Variants in TEX9 observed in about 807,000 individuals in gnomAD.
TEX9 encodes the protein testis expressed 9.
A neutral mutation model predicts 59.6 loss-of-function variants in TEX9; 74 were observed. The ratio of observed to expected loss-of-function variants is 1.24; its 90% CI spans 1.03 to 1.51. The LOEUF is 1.51. Ranked by LOEUF, TEX9 falls within the 40% of genes most tolerant of loss-of-function variation. The pLI is 0.00. For missense variants in TEX9, 522 were observed against 447.8 expected, an observed-to-expected ratio of 1.17 and a Z score of -1.49; for synonymous variants, 186 against 152.2, an observed-to-expected ratio of 1.22 and a Z score of -1.64.
intron 1 of TEX9, among the ~76,000 whole-genome samples, chr15:56,292,701 A>C (rs117853450): frequency 6.6e-6 from 1 of 152,192 alleles, no homozygotes; most frequent in Non-Finnish European, 1.5e-5. Context: ...GCCTTGGGCC[A>C]CTAGGAGCTG....
intron 1 of TEX9, among the ~76,000 whole-genome samples, chr15:56,265,378 G>A (rs1170106786): frequency 6.6e-6 from 1 of 151,382 alleles, no homozygotes; most frequent in Non-Finnish European, 1.5e-5. Flanking sequence ...TCCTCCTCTT[G>A]CCCAGGCTGG....
chr15:56,355,183 C>G (rs2046661522), intron 1 of TEX9, among the ~76,000 whole-genome samples: 1 of 152,042 alleles, frequency 6.6e-6, no homozygotes, highest in Non-Finnish European at 1.5e-5. Context: ...TTTTCCATAA[C>G]TTAATATTAG....
At chr15:56,321,755 C>T (rs925005293) in intron 1 of TEX9, among the ~76,000 whole-genome samples, 23 of 152,128 alleles carry the variant, frequency 1.5e-4, no homozygotes, top group African/African-American at 5.6e-4. Context: ...AATACTCTTT[C>T]AGTCATGCTT....
chr15:56,443,411 T>C (rs1246967510), intron 12 of TEX9: 3 of 1,511,418 alleles, frequency 2.0e-6, no homozygotes, highest in South Asian at 2.5e-5. Context: ...TAATCATTCT[T>C]TCCATTTCTG....
intron 1 of TEX9, among the ~76,000 whole-genome samples, chr15:56,281,495 C>G (rs2044819262): frequency 1.3e-5 from 2 of 152,220 alleles, no homozygotes; most frequent in South Asian, 4.1e-4. Context: ...CCTTATGAAT[C>G]TAATTTTTGA....
intron 1 of TEX9, among the ~76,000 whole-genome samples, chr15:56,295,072 A>G (rs551351815): frequency 1.3e-5 from 2 of 152,244 alleles, no homozygotes; most frequent in East Asian, 1.9e-4. Flanking sequence ...GTAATAAACT[A>G]TATATTTTTA....
intron 3 of TEX9, among the ~76,000 whole-genome samples, chr15:56,376,615 A>AT (rs1296735375): frequency 3.3e-5 from 5 of 151,522 alleles, no homozygotes; most frequent in African/African-American, 7.3e-5. Context: ...AGATTATTAG[A>AT]TTTTTTTTCC....
intron 1 of TEX9, among the ~76,000 whole-genome samples, chr15:56,322,111 G>A (rs981985360): frequency 1.3e-5 from 2 of 151,936 alleles, no homozygotes; most frequent in Admixed American, 1.3e-4. Flanking sequence ...GTCCACCTCC[G>A]AGGAAGAGTG....
At chr15:56,312,417 C>T (rs1282422971) in intron 1 of TEX9, among the ~76,000 whole-genome samples, 28 of 144,216 alleles carry the variant, frequency 1.9e-4, no homozygotes, top group Non-Finnish European at 4.1e-4. Context: ...TTCCCCATTG[C>T]TTGTTTTTCT....
chr15:56,433,906 G>T (rs1364304613), intron 12 of TEX9, among the ~76,000 whole-genome samples: 1 of 151,804 alleles, frequency 6.6e-6, no homozygotes, highest in Non-Finnish European at 1.5e-5. Flanking sequence ...AAGTGACATG[G>T]ACTTAGTTTT....
At chr15:56,370,027 A>T (rs2047121644) in intron 2 of TEX9, among the ~76,000 whole-genome samples, 2 of 152,258 alleles carry the variant, frequency 1.3e-5, no homozygotes, top group Admixed American at 1.3e-4. Flanking sequence ...TATCAGTAAG[A>T]GCATTCTTTT....
Position 56,405,310 on chromosome 15 carries a change from GAAAAAAA to G in TEX9, c.829-6980_829-6974del, listed in dbSNP as rs1221876149. Among the ~76,000 whole-genome samples the G allele has an allele frequency of 1.1e-3, 105 of 95,980 alleles. 1 individual carries two copies. The highest frequency in any genetic ancestry group is 4.0e-3 in the African/African-American group (99 of 24,458). The allele number at this position is 95,980 out of a possible 152,430, so 63.0% of individuals were successfully genotyped here. On this transcript the variant is annotated intron_variant, in intron 9 of 12. Coordinates refer to ENST00000352903, the Ensembl canonical transcript of TEX9. ...TGACAGAGCAAGACTCCGTCTCAAA[GAAAAAAA>G]AAAAAAAAAAAGGAAACTGAGTTTG...
chr15:56,372,394 C>A (rs1400067596), intron 2 of TEX9, among the ~76,000 whole-genome samples: 1 of 151,724 alleles, frequency 6.6e-6, no homozygotes, highest in East Asian at 1.9e-4. Context: ...AACAAGATAT[C>A]TAATTTTTAA....
chr15:56,460,002 AAAAAAAAATACATATAT>A, the TEX9 span, among the ~76,000 whole-genome samples: 1 of 57,264 alleles, frequency 1.7e-5, no homozygotes, highest in African/African-American at 6.1e-5. Context: ...AAAAAAAAAA[AAAAAAAAATACATATAT>A]ATATATATAT....
At chr15:56,433,088 C>G (rs74015426) in intron 12 of TEX9, among the ~76,000 whole-genome samples, 1 of 152,148 alleles carries the variant, frequency 6.6e-6, no homozygotes, top group Non-Finnish European at 1.5e-5. Context: ...TAATCTTCCC[C>G]TGGGCCACCA....
At chr15:56,333,833 C>T (rs2046207204) in intron 1 of TEX9, among the ~76,000 whole-genome samples, 1 of 152,080 alleles carries the variant, frequency 6.6e-6, no homozygotes, top group South Asian at 2.1e-4. Flanking sequence ...TTGCAGGATA[C>T]AAAATCATAC....
At chr15:56,330,989 C>A (rs1219163291) in intron 1 of TEX9, among the ~76,000 whole-genome samples, 1 of 151,928 alleles carries the variant, frequency 6.6e-6, no homozygotes, top group African/African-American at 2.4e-5. Context: ...CAATAGAAAC[C>A]AAAAAGAGCA....
intron 1 of TEX9, among the ~76,000 whole-genome samples, chr15:56,272,809 T>C (rs2044569082): frequency 6.6e-6 from 1 of 152,218 alleles, no homozygotes; most frequent in Non-Finnish European, 1.5e-5. Context: ...ATTATTGATA[T>C]TGTCAGATTT....
chr15:56,390,045 A>C (rs537493358), intron 6 of TEX9, among the ~76,000 whole-genome samples: 79 of 151,754 alleles, frequency 5.2e-4, no homozygotes, highest in African/African-American at 1.9e-3. Flanking sequence ...TTCTGGAAAA[A>C]TCTTTGTTCA....
Sources: gnomAD v4.1 joint callset for allele counts (sites outside exome capture counted in the v4.1 genomes callset) on GRCh38, gnomAD v4.1.1 for gene constraint, MANE v1.5 for transcripts, NCBI Gene and HGNC (gene_info 2026-07-23, HGNC 2026-07-21) for gene names.